ADAMTSL3: variants seen among roughly 807,000 people sequenced by gnomAD.
ADAMTSL3 encodes ADAMTS-like protein 3.
Under a neutral mutation model 201.7 loss-of-function variants are expected in ADAMTSL3, and 128 were observed. The ratio of observed to expected loss-of-function variants is 0.63; its 90% confidence interval spans 0.55 to 0.73. The LOEUF (loss-of-function observed/expected upper bound fraction) is 0.73, where lower values mean the gene tolerates loss of function less well. Among genes scored for constraint, ADAMTSL3 ranks in the 30% least tolerant of loss-of-function variants. The pLI is 0.00. For missense variants in ADAMTSL3, 1,990 were observed against 2,119.6 expected, an observed-to-expected ratio of 0.94 and a Z score of 1.20; for synonymous variants, 738 against 748.4, an observed-to-expected ratio of 0.99 and a Z score of 0.23.
At chr15:83,694,868 A>G (rs922663709) in intron 2 of ADAMTSL3, among the ~76,000 whole-genome samples, 2 of 152,198 alleles carry the variant, frequency 1.3e-5, no homozygotes, top group African/African-American at 4.8e-5. Flanking sequence ...CTGAGCACTA[A>G]AGAACGTTCA....
intron 4 of ADAMTSL3, among the ~76,000 whole-genome samples, chr15:83,803,717 G>A (rs1478864377): frequency 6.6e-6 from 1 of 152,196 alleles, no homozygotes; most frequent in African/African-American, 2.4e-5. Context: ...GGGTCGCAGA[G>A]CTAGTGGCTG....
chr15:83,886,073 A>T (rs981010300), intron 10 of ADAMTSL3, among the ~76,000 whole-genome samples: 3 of 152,128 alleles, frequency 2.0e-5, no homozygotes, highest in African/African-American at 7.2e-5. Context: ...GACAAGTGTA[A>T]TCCAGGGCTC....
At chr15:83,841,086 G>T (rs2064365867) in intron 7 of ADAMTSL3, among the ~76,000 whole-genome samples, 1 of 152,176 alleles carries the variant, frequency 6.6e-6, no homozygotes, top group South Asian at 2.1e-4. Flanking sequence ...AGGGAATTTT[G>T]CTTCATTGAC....
At chr15:84,025,022 A>T (rs755459736) in intron 26 of ADAMTSL3, among the ~76,000 whole-genome samples, 18 of 152,162 alleles carry the variant, frequency 1.2e-4, no homozygotes, top group Non-Finnish European at 2.4e-4. Flanking sequence ...CCCATTCCTA[A>T]AGTAGTCATC....
At chr15:83,902,687 C>A (rs2065750248) in intron 15 of ADAMTSL3, among the ~76,000 whole-genome samples, 1 of 152,106 alleles carries the variant, frequency 6.6e-6, no homozygotes, top group African/African-American at 2.4e-5. Flanking sequence ...TCCTGGTCCC[C>A]AGCCTCATGT....
At chr15:83,878,884 C>CT (rs916342415) in intron 9 of ADAMTSL3, among the ~76,000 whole-genome samples, 14 of 150,690 alleles carry the variant, frequency 9.3e-5, no homozygotes, top group African/African-American at 2.7e-4. Flanking sequence ...CGTTTGATGC[C>CT]TTTTTTTTTC....
At chr15:83,759,637 C>T (rs2062777451) in intron 3 of ADAMTSL3, among the ~76,000 whole-genome samples, 2 of 151,986 alleles carry the variant, frequency 1.3e-5, no homozygotes, top group African/African-American at 4.8e-5. Context: ...TGATTTATTC[C>T]AGTGGAACCC....
At chr15:83,876,067 A>C (rs1555455436) in intron 9 of ADAMTSL3, among the ~76,000 whole-genome samples, 1 of 152,022 alleles carries the variant, frequency 6.6e-6, no homozygotes, top group Non-Finnish European at 1.5e-5. Flanking sequence ...TAGGCTTATT[A>C]TTTTAGCCAA....
At chr15:83,701,444 AT>A (rs1215689290) in intron 2 of ADAMTSL3, among the ~76,000 whole-genome samples, 1 of 152,122 alleles carries the variant, frequency 6.6e-6, no homozygotes, top group East Asian at 1.9e-4. Context: ...AACCATTGTG[AT>A]TTATGTCCAG....
At chr15:83,870,669 A>G in intron 8 of ADAMTSL3, 133 bp from the exon 9 acceptor site, 1 of 710,790 alleles carries the variant, frequency 1.4e-6, no homozygotes, top group Non-Finnish European at 2.1e-6. Context: ...AATATCAATG[A>G]ATGTTTGTAA....
chr15:83,839,320 C>T (rs544614985), intron 7 of ADAMTSL3, among the ~76,000 whole-genome samples: 21 of 152,062 alleles, frequency 1.4e-4, no homozygotes, highest in Non-Finnish European at 2.5e-4. Context: ...AAGTTCATGG[C>T]GTGACACTGG....
chr15:83,703,620 C>T (rs992301583), intron 2 of ADAMTSL3, among the ~76,000 whole-genome samples: 2 of 152,206 alleles, frequency 1.3e-5, no homozygotes, highest in Admixed American at 6.5e-5. Context: ...GCCGTCATGT[C>T]GGAAGTGCCT....
chr15:83,668,940 C>A (rs1189193155), intron 2 of ADAMTSL3, among the ~76,000 whole-genome samples: 1 of 152,156 alleles, frequency 6.6e-6, no homozygotes, highest in East Asian at 1.9e-4. Context: ...GTCTTTTAAG[C>A]TTCTGCTTAT....
intron 19 of ADAMTSL3, among the ~76,000 whole-genome samples, chr15:83,957,010 A>G (rs2066875054): frequency 2.0e-5 from 3 of 152,318 alleles, no homozygotes; most frequent in Admixed American, 2.0e-4. Context: ...ATTTACAACC[A>G]TGTAAAAAAT....
intron 3 of ADAMTSL3, among the ~76,000 whole-genome samples, chr15:83,764,907 T>C (rs1382601724): frequency 6.6e-6 from 1 of 152,124 alleles, no homozygotes; most frequent in East Asian, 1.9e-4. Flanking sequence ...AAGGGTAGGA[T>C]AGGGCACAAA....
intron 2 of ADAMTSL3, among the ~76,000 whole-genome samples, chr15:83,695,492 A>G (rs2061676167): frequency 6.6e-6 from 1 of 151,944 alleles, no homozygotes; most frequent in African/African-American, 2.4e-5. Context: ...CTGACCTAGG[A>G]GGGGAGGAGA....
At chr15:83,692,395 G>A (rs898922780) in intron 2 of ADAMTSL3, among the ~76,000 whole-genome samples, 1 of 151,848 alleles carries the variant, frequency 6.6e-6, no homozygotes, top group Admixed American at 6.6e-5. Flanking sequence ...GCTTGTTTAA[G>A]AGTTTTGAGG....
In ADAMTSL3 at chr15:83,819,806, C is replaced by T. The variant is rs1382529620; in HGVS notation, c.364-5C>T. 1.9e-6 allele frequency: 3 copies of T among 1,612,208 alleles called. No homozygotes were observed. Among genetic ancestry groups the T allele is most frequent in the Admixed American group, 3.3e-5 (2 of 60,020 alleles). The stretch of plus-strand genomic sequence containing the variant: ...GTGCATGTGGCCTTTTCCCTCTGCC[C>T]CCAGGACTGCCCTCCAGATGCAGAA... On this transcript the variant is annotated splice_region_variant and splice_polypyrimidine_tract_variant and intron_variant, in intron 5 of 29. Transcript: ENST00000286744.
intron 4 of ADAMTSL3, among the ~76,000 whole-genome samples, chr15:83,779,390 A>G (rs1235757422): frequency 6.6e-6 from 1 of 152,194 alleles, no homozygotes; most frequent in African/African-American, 2.4e-5. Context: ...CAAAGGCAAA[A>G]GAACTGAAAT....
Sources: gnomAD v4.1 joint callset for allele counts (sites outside exome capture counted in the v4.1 genomes callset) on GRCh38, gnomAD v4.1.1 for gene constraint, MANE v1.5 for transcripts, NCBI Gene and HGNC (gene_info 2026-07-23, HGNC 2026-07-21) for gene names.